The following HS6ST3 variants were observed in gnomAD, a reference collection of about 807,000 sequenced individuals.
The protein encoded by HS6ST3 is heparan sulfate 6-O-sulfotransferase 3.
Under a neutral mutation model 36.7 loss-of-function variants are expected in HS6ST3, and 12 were observed. The ratio of observed to expected loss-of-function variants is 0.33; its 90% CI spans 0.21 to 0.53. The LOEUF (loss-of-function observed/expected upper bound fraction) is 0.53, where lower values mean the gene tolerates loss of function less well. Ranked by LOEUF, HS6ST3 falls within the 20% of genes least tolerant of loss-of-function variation. HS6ST3 has a pLI of 0.95. For missense variants in HS6ST3, 584 were observed against 640.9 expected (o/e 0.91, Z 0.96); for synonymous variants, 240 against 257.5 (o/e 0.93, Z 0.65).
chr13:96,646,683 G>A (rs523268), intron 1 of HS6ST3, among the ~76,000 whole-genome samples: 30,971 of 151,732 alleles, frequency 0.2, 3,940 homozygotes, highest in South Asian at 0.28. Flanking sequence ...CCTTTATGCC[G>A]ATGAAAGTGG....
At chr13:96,635,472 C>T (rs766609364) in intron 1 of HS6ST3, among the ~76,000 whole-genome samples, 11 of 152,088 alleles carry the variant, frequency 7.2e-5, no homozygotes, top group Non-Finnish European at 8.8e-5. Context: ...GACTTGATAC[C>T]GATTTCTTTT....
At chr13:96,243,425 G>A (rs1315809407) in intron 1 of HS6ST3, among the ~76,000 whole-genome samples, 1 of 152,164 alleles carries the variant, frequency 6.6e-6, no homozygotes, top group Non-Finnish European at 1.5e-5. Flanking sequence ...AAGATAGCTT[G>A]ATACATCCCA....
At chr13:96,758,750 A>G (rs1180021690) in intron 1 of HS6ST3, among the ~76,000 whole-genome samples, 1 of 151,826 alleles carries the variant, frequency 6.6e-6, no homozygotes, top group Non-Finnish European at 1.5e-5. Flanking sequence ...CATTTTTCTT[A>G]ATTTATTGAG....
intron 1 of HS6ST3, among the ~76,000 whole-genome samples, chr13:96,318,775 C>T (rs2139413736): frequency 6.6e-6 from 1 of 152,198 alleles, no homozygotes; most frequent in Middle Eastern, 3.4e-3. Flanking sequence ...CAGTACCATG[C>T]TGTTTTGTTT....
At chr13:96,653,314 C>T (rs1344456668) in intron 1 of HS6ST3, among the ~76,000 whole-genome samples, 1 of 151,988 alleles carries the variant, frequency 6.6e-6, no homozygotes, top group Non-Finnish European at 1.5e-5. Context: ...CACTTATCAA[C>T]CCGTCATCTA....
intron 1 of HS6ST3, among the ~76,000 whole-genome samples, chr13:96,239,394 A>G (rs1403767490): frequency 1.3e-5 from 2 of 152,216 alleles, no homozygotes; most frequent in African/African-American, 4.8e-5. Flanking sequence ...AAATGAAATC[A>G]ATCATTTAGC....
At chr13:96,568,762 T>C (rs1192434270) in intron 1 of HS6ST3, among the ~76,000 whole-genome samples, 1 of 152,206 alleles carries the variant, frequency 6.6e-6, no homozygotes. Flanking sequence ...GTTTTGGTGG[T>C]ATACTGTGTT....
At position 96,127,013 on chromosome 13, in the gene HS6ST3, A is replaced by G. The variant is rs184984169; in HGVS notation, c.707+35444A>G. On this transcript the variant is annotated intron_variant, in intron 1 of 1. Coordinates refer to ENST00000376705, the MANE Select transcript of HS6ST3 (RefSeq NM_153456.4). ...ACTTCCACCTGAAAATTTAGCTACC[A>G]TTTCGGCCATCTTTATTGTTTTTTC... 3.3e-5 allele frequency among the ~76,000 whole-genome samples: 5 copies of G among 152,140 alleles called. No homozygotes were observed. In the East Asian group the frequency reaches 7.8e-4, roughly 24 times the overall value.
chr13:96,618,636 C>A (rs2056483053), intron 1 of HS6ST3, among the ~76,000 whole-genome samples: 1 of 152,126 alleles, frequency 6.6e-6, no homozygotes. Context: ...TGGCTTCAGG[C>A]CCCATAGAAT....
intron 1 of HS6ST3, among the ~76,000 whole-genome samples, chr13:96,251,041 C>T (rs9516649): frequency 0.57 from 87,159 of 151,946 alleles, 25,266 homozygotes; most frequent in Admixed American, 0.67. Flanking sequence ...AGATACTGAC[C>T]TGTAATTTTC....
intron 1 of HS6ST3, among the ~76,000 whole-genome samples, chr13:96,296,562 C>T (rs930544505): frequency 3.3e-5 from 5 of 152,106 alleles, no homozygotes; most frequent in African/African-American, 1.2e-4. Context: ...GTTTAGAAAA[C>T]GCTAACATTT....
intron 1 of HS6ST3, among the ~76,000 whole-genome samples, chr13:96,523,422 T>C (rs1223347782): frequency 6.6e-6 from 1 of 152,134 alleles, no homozygotes; most frequent in African/African-American, 2.4e-5. Context: ...CCTTGCTAGG[T>C]TGGGGAAGTT....
chr13:96,672,781 T>C (rs1479089205), intron 1 of HS6ST3, among the ~76,000 whole-genome samples: 4 of 152,218 alleles, frequency 2.6e-5, no homozygotes, highest in Admixed American at 1.3e-4. Context: ...CAATTATGGA[T>C]GGTAAATCAT....
At chr13:96,416,523 G>A (rs1411885305) in intron 1 of HS6ST3, among the ~76,000 whole-genome samples, 2 of 152,150 alleles carry the variant, frequency 1.3e-5, no homozygotes, top group African/African-American at 4.8e-5. Flanking sequence ...CTGGAATGCT[G>A]AAAACATTTT....
At chr13:96,197,813 T>C (rs965262595) in intron 1 of HS6ST3, among the ~76,000 whole-genome samples, 3 of 152,166 alleles carry the variant, frequency 2.0e-5, no homozygotes, top group African/African-American at 7.2e-5. Flanking sequence ...GGGTTTTGTG[T>C]CTGTGGCTTT....
At chr13:96,706,686 C>G (rs1463020185) in intron 1 of HS6ST3, among the ~76,000 whole-genome samples, 2 of 152,002 alleles carry the variant, frequency 1.3e-5, no homozygotes, top group Non-Finnish European at 2.9e-5. Flanking sequence ...CCATCGTCCC[C>G]TGCTTTCCCT....
At chr13:96,633,415 A>AAAGGTATT (rs1173229059) in intron 1 of HS6ST3, among the ~76,000 whole-genome samples, 1 of 152,206 alleles carries the variant, frequency 6.6e-6, no homozygotes, top group East Asian at 1.9e-4. Context: ...AGTATGCTCC[A>AAAGGTATT]AAGGTATTAG....
intron 1 of HS6ST3, among the ~76,000 whole-genome samples, chr13:96,285,213 C>A (rs1196161234): frequency 6.6e-6 from 1 of 152,114 alleles, no homozygotes; most frequent in Non-Finnish European, 1.5e-5. Flanking sequence ...GAAAGATCTA[C>A]AACTCTGACA....
intron 1 of HS6ST3, among the ~76,000 whole-genome samples, chr13:96,193,765 C>T (rs932024711): frequency 3.3e-5 from 5 of 152,148 alleles, no homozygotes; most frequent in Admixed American, 1.3e-4. Flanking sequence ...ATTGCATAAA[C>T]GTGCAGGGCA....
Sources: allele counts gnomAD v4.1 joint callset (sites outside exome capture counted in the v4.1 genomes callset), GRCh38; gene constraint gnomAD v4.1.1; transcripts MANE v1.5; gene names NCBI Gene and HGNC (gene_info 2026-07-23, HGNC 2026-07-21).